The following ITPR1 variants were observed in gnomAD, a reference collection of about 807,000 sequenced individuals.
ITPR1 encodes the protein inositol 1,4,5-trisphosphate receptor type 1.
In ITPR1, 96 loss-of-function variants were observed where a neutral mutation model predicts 318.4. The observed-to-expected ratio is 0.30, with a 90% CI of 0.26 to 0.36. The LOEUF is 0.36. Among genes scored for constraint, ITPR1 ranks in the 10% least tolerant of loss-of-function variants. The probability of loss-of-function intolerance (pLI) is 1.00; values close to 1 mark genes in which losing one functional copy is unlikely to be tolerated. For synonymous variants in ITPR1, 1,312 were observed against 1,289.9 expected (o/e 1.02, Z -0.37); for missense variants, 2,440 against 3,460.2 (o/e 0.71, Z 7.40).
chr3:4,674,159 A>G, intron 21 of ITPR1, 43 bp from the exon 22 acceptor site: 2 of 1,516,188 alleles, frequency 1.3e-6, no homozygotes, highest in Non-Finnish European at 1.8e-6. Flanking sequence ...CTCTCTGGGA[A>G]TAACTTGAAA....
chr3:4,768,290 A>T (rs2045948501), intron 45 of ITPR1: 1 of 515,546 alleles, frequency 1.9e-6, no homozygotes, highest in Non-Finnish European at 3.4e-6. Flanking sequence ...CACACTGTAC[A>T]CGTAGGTGAA....
In ITPR1 at chr3:4,768,496, A is replaced by G. The variant is rs2045962682; in HGVS notation, c.5726-15A>G. 6.3e-6 allele frequency: 10 copies of G among 1,595,910 alleles called. No individual in the cohort carries two copies. The highest frequency in any genetic ancestry group is 8.6e-6 in the Non-Finnish European group (10 of 1,168,582). ...AGGACTCTGCAGCCTTTCATGCCTT[A>G]TGCTTGCTTTCTAGCTAAAGAGCCC... On this transcript the variant is annotated splice_polypyrimidine_tract_variant and intron_variant, in intron 45 of 61. Transcript: ENST00000649015.
chr3:4,719,922 A>C (rs1188300307), intron 40 of ITPR1, among the ~76,000 whole-genome samples: 1 of 152,154 alleles, frequency 6.6e-6, no homozygotes, highest in Admixed American at 6.5e-5. Flanking sequence ...GCAGGGGGAC[A>C]GATGGGGTGG....
chr3:4,632,391 C>T (rs749976491), intron 5 of ITPR1, among the ~76,000 whole-genome samples: 4 of 152,090 alleles, frequency 2.6e-5, no homozygotes, highest in African/African-American at 4.8e-5. Flanking sequence ...CTTGGCCATA[C>T]GGGAAATCAA....
At chr3:4,657,386 G>GTTTTTTTTT (rs112693174) in intron 12 of ITPR1, among the ~76,000 whole-genome samples, 5 of 133,226 alleles carry the variant, frequency 3.8e-5, no homozygotes, top group African/African-American at 1.2e-4. Context: ...TGTACCTAGA[G>GTTTTTTTTT]TTTTTTTTTT....
chr3:4,609,014 A>G (rs1401032417), intron 4 of ITPR1, among the ~76,000 whole-genome samples: 1 of 136,002 alleles, frequency 7.4e-6, no homozygotes, highest in Non-Finnish European at 1.5e-5. Context: ...AAAAAAAAAA[A>G]AAAAAAAAAA....
intron 11 of ITPR1, among the ~76,000 whole-genome samples, chr3:4,653,368 C>G (rs2125173607): frequency 6.6e-6 from 1 of 152,282 alleles, no homozygotes; most frequent in East Asian, 1.9e-4. Context: ...ACTCCAAGTT[C>G]AAATTTGAGA....
intron 42 of ITPR1, among the ~76,000 whole-genome samples, chr3:4,730,027 G>A (rs1205878812): frequency 1.3e-5 from 2 of 151,226 alleles, no homozygotes; most frequent in Non-Finnish European, 1.5e-5. Flanking sequence ...GATTAGGAAA[G>A]CTTTTCTCTG....
Position 4,688,672 on chromosome 3 carries a change from AG to A in ITPR1, c.3828+55del, listed in dbSNP as rs1395147886. 1.0e-5 allele frequency: 16 copies of A among 1,569,992 alleles called. No individual in the cohort carries two copies. The Admixed American group carries it at 2.6e-4, about 25-fold the overall frequency. On this transcript the variant is annotated intron_variant, in intron 31 of 61. Transcript: ENST00000649015. ...CTATAGAGGGAGGAGGGCAGGGAAG[AG>A]GGAGGAGGAACAGCTTGTTCTTTGG...
chr3:4,836,920 G>A lies in ITPR1; in HGVS notation c.8175G>A (p.Ser2725=), dbSNP rs767821093. 82 of 1,585,448 alleles carry A rather than the reference G, an allele frequency of 5.2e-5. No individual in the cohort carries two copies. Among genetic ancestry groups the A allele is most frequent in the Middle Eastern group, 3.4e-4 (2 of 5,884 alleles). The change falls in exon 61 of 62, where the codon TCG becomes TCA. Residue 2725 remains serine, a synonymous_variant. Coordinates refer to ENST00000649015, the MANE Select transcript of ITPR1 (RefSeq NM_001378452.1). ...KLVTNLSGQL[S]ELKDQMTEQR... is the part of the protein sequence containing the mutation. ...TCACGAACCTTTCTGGCCAGCTGTCGGAATTAAAGGATCAGGTAAAGAAAG... is the reference window on the plus strand; with the variant it reads ...TCACGAACCTTTCTGGCCAGCTGTCAGAATTAAAGGATCAGGTAAAGAAAG...
rs139725547 is a variant in ITPR1, at chr3:4,649,888, G to A, written c.856-2235G>A. 1.1e-4 allele frequency among the ~76,000 whole-genome samples: 17 copies of A among 152,124 alleles called. 1 individual carries two copies. Among genetic ancestry groups the A allele is most frequent in the South Asian group, 4.2e-4 (2 of 4,814 alleles). ...GCAGTGTTCTTATTCATCAAGACTCGGCCTCATGACCTAATCACCTCCCAA... is the reference window on the plus strand; with the variant it reads ...GCAGTGTTCTTATTCATCAAGACTCAGCCTCATGACCTAATCACCTCCCAA... On this transcript the variant is annotated intron_variant, in intron 10 of 61. Transcript: ENST00000649015.
intron 2 of ITPR1, among the ~76,000 whole-genome samples, chr3:4,497,063 T>A (rs2080643143): frequency 6.6e-6 from 1 of 151,858 alleles, no homozygotes; most frequent in African/African-American, 2.4e-5. Context: ...CATGCAGTTT[T>A]TTTTTTTTCC....
At chr3:4,643,773 C>G (rs1405424015) in intron 7 of ITPR1, among the ~76,000 whole-genome samples, 3 of 151,470 alleles carry the variant, frequency 2.0e-5, no homozygotes, top group African/African-American at 7.3e-5. Context: ...ATGGCTTTGT[C>G]AAAGATAAAG....
rs892271404 is a variant in ITPR1 at position 4,600,623 on chromosome 3, C to T, written c.164-27140C>T. Among the ~76,000 whole-genome samples, 10 of 152,140 alleles carry T rather than the reference C, an allele frequency of 6.6e-5. No homozygotes were observed. The South Asian group carries it at 1.2e-3, about 19-fold the overall frequency. ...TATATGTGAATGTTTGTGTCTTCTA[C>T]GTAAAATGATAGTCCGTGGACTGTT... On this transcript the variant is annotated intron_variant, in intron 4 of 61. Transcript: ENST00000649015.
At chr3:4,600,122 C>T (rs769908195) in intron 4 of ITPR1, among the ~76,000 whole-genome samples, 9 of 152,204 alleles carry the variant, frequency 5.9e-5, no homozygotes, top group African/African-American at 2.2e-4. Context: ...AAGTATGTTA[C>T]AATACATTTG....
chr3:4,788,422 T>C (rs1248723908), intron 52 of ITPR1, among the ~76,000 whole-genome samples: 1 of 152,200 alleles, frequency 6.6e-6, no homozygotes, highest in Non-Finnish European at 1.5e-5. Context: ...TTGATATCTC[T>C]ATCTAGAAAA....
rs34078002 is a variant in ITPR1, at chr3:4,504,963, C to CTT, written c.-17+10469_-17+10470dup. ...CCTCTTCCTTTTTCTGGGCATACTC[C>CTT]TTTTTTTTTTTTTCCTGTGAAAGAC... On this transcript the variant is annotated intron_variant, in intron 2 of 61. Transcript: ENST00000649015. 8.0e-3 allele frequency among the ~76,000 whole-genome samples: 1,162 copies of CTT among 145,876 alleles called. 10 individuals carry two copies. The highest frequency in any genetic ancestry group is 0.014 in the Middle Eastern group (4 of 278).
intron 4 of ITPR1, among the ~76,000 whole-genome samples, chr3:4,533,581 C>T (rs1416401294): frequency 1.3e-5 from 2 of 152,226 alleles, no homozygotes; most frequent in East Asian, 3.8e-4. Context: ...GCTTTCGGGA[C>T]ATCTCTTAGG....
At chr3:4,831,194 G>C (rs1359644768) in intron 60 of ITPR1, 4 of 355,446 alleles carry the variant, frequency 1.1e-5, no homozygotes, top group African/African-American at 9.2e-5. Context: ...TTCCAGTCAA[G>C]GACATTTCAA....
Sources: gnomAD v4.1 joint callset for allele counts (sites outside exome capture counted in the v4.1 genomes callset) on GRCh38, gnomAD v4.1.1 for gene constraint, MANE v1.5 for transcripts, NCBI Gene and HGNC (gene_info 2026-07-23, HGNC 2026-07-21) for gene names.